Variants in TLK1 observed in about 807,000 individuals in gnomAD.
The protein encoded by TLK1 is serine/threonine-protein kinase tousled-like 1.
TLK1 carries 24 observed loss-of-function variants against 105.3 expected under a neutral mutation model. That is an observed-to-expected ratio of 0.23 (90% CI 0.17 to 0.32). TLK1 has a LOEUF of 0.32. TLK1 is among the 10% of genes least tolerant of loss of function. The probability of loss-of-function intolerance (pLI) is 1.00; values close to 1 mark genes in which losing one functional copy is unlikely to be tolerated. For synonymous variants in TLK1, 321 were observed against 310.4 expected (o/e 1.03, Z -0.36); for missense variants, 558 against 910.5 (o/e 0.61, Z 4.98).
intron 1 of TLK1, among the ~76,000 whole-genome samples, chr2:171,142,769 C>T (rs1691634153): frequency 6.6e-6 from 1 of 152,216 alleles, no homozygotes. Context: ...TATTACACCA[C>T]ATCTAACAAC....
intron 12 of TLK1, among the ~76,000 whole-genome samples, chr2:171,027,679 G>A (rs1685840664): frequency 2.0e-5 from 3 of 152,114 alleles, no homozygotes; most frequent in South Asian, 4.2e-4. Context: ...TAAACAATAT[G>A]GAATTTTAGA....
At chr2:171,156,878 T>G (rs968356776) in intron 1 of TLK1, among the ~76,000 whole-genome samples, 1 of 152,182 alleles carries the variant, frequency 6.6e-6, no homozygotes, top group Non-Finnish European at 1.5e-5. Flanking sequence ...TCACCCAGGC[T>G]GGAATGCAAT....
intron 5 of TLK1, among the ~76,000 whole-genome samples, chr2:171,056,943 A>G (rs1429239815): frequency 6.6e-6 from 1 of 152,022 alleles, no homozygotes. Flanking sequence ...ATCCCAAGAA[A>G]TTTCAAAATG....
chr2:171,050,539 T>C lies in TLK1; in HGVS notation c.733-365A>G, dbSNP rs1260562017. ...ACTAAAATATGGTATATAAAGTGTC[T>C]ATCACTTAAAAATAAATGTGAGTTT... On this transcript the variant is annotated intron_variant, in intron 8 of 20. Transcript: ENST00000431350. Among the ~76,000 whole-genome samples the C allele has an allele frequency of 2.0e-5, 3 of 146,892 alleles. No homozygotes were observed. The East Asian group carries it at 6.3e-4, about 31-fold the overall frequency.
chr2:171,085,035 G>T (rs887475090), intron 2 of TLK1, among the ~76,000 whole-genome samples: 1 of 152,116 alleles, frequency 6.6e-6, no homozygotes, highest in Non-Finnish European at 1.5e-5. Flanking sequence ...TCAATATACA[G>T]ATAACAGAAG....
intron 3 of TLK1, among the ~76,000 whole-genome samples, chr2:171,064,288 A>G (rs1687890358): frequency 6.6e-6 from 1 of 152,180 alleles, no homozygotes; most frequent in Admixed American, 6.5e-5. Flanking sequence ...CCTACCAGAG[A>G]CATATCCTAT....
At chr2:171,121,805 C>T (rs1690666557) in intron 1 of TLK1, among the ~76,000 whole-genome samples, 1 of 152,110 alleles carries the variant, frequency 6.6e-6, no homozygotes, top group African/African-American at 2.4e-5. Context: ...TATTGTTTTT[C>T]CCAGATATAT....
At chr2:171,034,598 G>A (rs1200775490) in intron 11 of TLK1, among the ~76,000 whole-genome samples, 1 of 152,188 alleles carries the variant, frequency 6.6e-6, no homozygotes, top group Non-Finnish European at 1.5e-5. Flanking sequence ...GGGCTAGGGA[G>A]TGATTACTTA....
chr2:171,165,843 G>A (rs564386948), upstream of TLK1, among the ~76,000 whole-genome samples: 95 of 152,184 alleles, frequency 6.2e-4, no homozygotes, highest in Non-Finnish European at 1.1e-3. Context: ...CCCAGGAGGC[G>A]GAGGTTGCAG....
At chr2:171,133,643 T>C (rs1691192353) in intron 1 of TLK1, among the ~76,000 whole-genome samples, 1 of 152,036 alleles carries the variant, frequency 6.6e-6, no homozygotes, top group Non-Finnish European at 1.5e-5. Context: ...AAGGGAATGG[T>C]TTCTTTCTGG....
chr2:171,098,690 T>A (rs1689564701), intron 2 of TLK1, among the ~76,000 whole-genome samples: 1 of 152,046 alleles, frequency 6.6e-6, no homozygotes, highest in Non-Finnish European at 1.5e-5. Flanking sequence ...CAGATCAATA[T>A]CCCTTACAAA....
chr2:171,006,917 C>T, intron 15 of TLK1, 28 bp from the exon 16 acceptor site: 1 of 1,604,508 alleles, frequency 6.2e-7, no homozygotes, highest in Middle Eastern at 1.7e-4. Context: ...ATTAATTCTC[C>T]ATGATCATTC....
Position 171,003,811 on chromosome 2 carries a change from C to G in TLK1, c.1904+2336G>C, listed in dbSNP as rs576796660. 7.6e-4 allele frequency among the ~76,000 whole-genome samples: 116 copies of G among 152,288 alleles called. 1 individual carries two copies. Among genetic ancestry groups the G allele is most frequent in the African/African-American group, 2.7e-3 (112 of 41,558 alleles). On this transcript the variant is annotated intron_variant, in intron 18 of 20. Transcript: ENST00000431350. ...CGTTTCTCTCAACTGCAAATAGCAC[C>G]AGGTACAGTCTGTGTTTGTATACGT...
rs951749662 is a variant in TLK1, at chr2:171,125,022, T to C, written c.140-7165A>G. Among the ~76,000 whole-genome samples the C allele has an allele frequency of 3.9e-5, 6 of 152,352 alleles. No individual in the cohort carries two copies. The East Asian group carries it at 9.6e-4, about 24-fold the overall frequency. On this transcript the variant is annotated intron_variant, in intron 1 of 20. Transcript: ENST00000431350. ...TCCTCAACTCTTAAATCAACTGTGCTTGCCAAAAAGCTAATAGCCTAAAAC... is the reference window on the plus strand; with the variant it reads ...TCCTCAACTCTTAAATCAACTGTGCCTGCCAAAAAGCTAATAGCCTAAAAC...
intron 12 of TLK1, among the ~76,000 whole-genome samples, chr2:171,024,106 C>G (rs1464037943): frequency 6.6e-6 from 1 of 152,034 alleles, no homozygotes; most frequent in East Asian, 1.9e-4. Flanking sequence ...TAAGTAATAA[C>G]TGGGGAAGTT....
intron 1 of TLK1, among the ~76,000 whole-genome samples, chr2:171,122,630 A>G (rs567731756): frequency 1.3e-5 from 2 of 152,076 alleles, no homozygotes; most frequent in South Asian, 4.1e-4. Context: ...CTTACATAAC[A>G]AGACAGAAAC....
intron 1 of TLK1, among the ~76,000 whole-genome samples, chr2:171,156,550 T>C (rs893300970): frequency 2.6e-5 from 4 of 152,230 alleles, no homozygotes; most frequent in African/African-American, 9.6e-5. Context: ...CAAACCTCCG[T>C]TCTGGTTTCT....
Position 171,006,539 on chromosome 2 carries a change from A to G in TLK1, c.1703T>C (p.Ile568Thr). 6.2e-7 allele frequency: 1 copy of G among 1,613,058 alleles called. No homozygotes were observed. The change falls in exon 17 of 21, where the codon ATT becomes ACT. Residue 568 changes from isoleucine (I) to threonine (T), a missense_variant. Physicochemically the swap from Ile to Thr is moderately conservative, Grantham distance 89. Around this residue, in one of 5 missense-constraint regions of TLK1, gnomAD observed 218 missense variants for 492.9 expected, o/e 0.44. Transcript: ENST00000431350. ...ATTGAGATATCTTAGTGCATTTACA[A>G]TCTGCATTACAATAGACCGAGCTTC... ...EKEARSIVMQ[I>T]VNALRYLNEI...
chr2:171,089,242 T>C (rs2105486706), intron 2 of TLK1, among the ~76,000 whole-genome samples: 1 of 152,372 alleles, frequency 6.6e-6, no homozygotes, highest in Admixed American at 6.5e-5. Context: ...CATGAATCTA[T>C]GGTTTGCCTT....
Sources: gnomAD v4.1 joint callset for allele counts (sites outside exome capture counted in the v4.1 genomes callset) on GRCh38, gnomAD v4.1.1 for gene constraint, gnomAD v4.1.1 regional missense constraint, MANE v1.5 for transcripts, NCBI Gene and HGNC (gene_info 2026-07-23, HGNC 2026-07-21) for gene names.